The following TCTN2 variants were observed in gnomAD, a reference collection of about 807,000 sequenced individuals.
The protein encoded by TCTN2 is tectonic family member 2, also known as tectonic-2.
In TCTN2, 66 loss-of-function variants were observed where a neutral mutation model predicts 83.4. The observed-to-expected ratio is 0.79, with a 90% confidence interval of 0.65 to 0.97. The LOEUF is 0.97. Ranked by LOEUF, TCTN2 falls within the 50% of genes least tolerant of loss-of-function variation. TCTN2 has a pLI of 0.00. For missense variants in TCTN2, 794 were observed against 858.1 expected, an observed-to-expected ratio of 0.93 and a Z score of 0.93; for synonymous variants, 301 against 326.7, an observed-to-expected ratio of 0.92 and a Z score of 0.85.
At chr12:123,690,484 T>C (rs373911094) in intron 7 of TCTN2, 49 bp from the exon 8 acceptor site, 2 of 1,613,508 alleles carry the variant, frequency 1.2e-6, no homozygotes, top group South Asian at 1.1e-5. Flanking sequence ...CTGTTTTGTA[T>C]GATTAGGAGA....
chr12:123,688,901 C>T (rs10773023), intron 7 of TCTN2, among the ~76,000 whole-genome samples: 10,881 of 152,102 alleles, frequency 0.072, 552 homozygotes, highest in African/African-American at 0.13. Flanking sequence ...GGATTACAGG[C>T]ATGCACCACC....
Position 123,697,149 on chromosome 12 carries a change from T to C in TCTN2, c.1456T>C (p.Ser486Pro). ...CATTTTATTTGGAGAAAATGTACTC[T>C]CTGGATGCCTGTTAGAAGTCGGGAT... ...KPILFGENVL[S>P]GCLLEVGINE... The change falls in exon 13 of 18, where the codon TCT becomes CCT. Residue 486 changes from serine (S) to proline (P), a missense_variant. Transcript: ENST00000303372. The C allele has an allele frequency of 6.2e-7, 1 of 1,614,114 alleles. No homozygotes were observed. Among genetic ancestry groups the C allele is most frequent in the Non-Finnish European group, 8.5e-7 (1 of 1,179,982 alleles).
At chr12:123,672,817 G>A (rs1335248365) in intron 3 of TCTN2, among the ~76,000 whole-genome samples, 2 of 152,130 alleles carry the variant, frequency 1.3e-5, no homozygotes, top group African/African-American at 4.8e-5. Context: ...TTGGGAGGCC[G>A]AGGAGGGCGG....
chr12:123,683,930 C>T (rs932891046), intron 5 of TCTN2, among the ~76,000 whole-genome samples: 3 of 152,306 alleles, frequency 2.0e-5, no homozygotes, highest in East Asian at 1.9e-4. Context: ...TGAGCCACTG[C>T]ACCTGGCCAC....
intron 15 of TCTN2, among the ~76,000 whole-genome samples, chr12:123,705,944 T>C (rs1956223661): frequency 1.3e-5 from 2 of 151,834 alleles, no homozygotes; most frequent in African/African-American, 2.4e-5. Flanking sequence ...TTAGTAGAGA[T>C]GGGGTTTCTC....
At chr12:123,696,632 A>AT in intron 12 of TCTN2, 137 bp downstream of exon 12, 1 of 779,098 alleles carries the variant, frequency 1.3e-6, no homozygotes, top group Non-Finnish European at 2.3e-6. Context: ...ATGCTGCTGA[A>AT]TAACAGTGAT....
chr12:123,679,147 A>G (rs1955862302), intron 4 of TCTN2, 42 bp from the exon 5 acceptor site: 1 of 1,526,414 alleles, frequency 6.6e-7, no homozygotes, highest in East Asian at 2.3e-5. Context: ...GCTTTGTCGG[A>G]ATGTTTCTTA....
chr12:123,688,213 C>CTTTTTTT, intron 7 of TCTN2, 36 bp downstream of exon 7: 4 of 1,349,408 alleles, frequency 3.0e-6, no homozygotes, highest in Non-Finnish European at 4.0e-6. Flanking sequence ...AGACCGTTCT[C>CTTTTTTT]TTTTTTTTTT....
intron 5 of TCTN2, among the ~76,000 whole-genome samples, chr12:123,680,348 G>A (rs113638879): frequency 0.08 from 7,793 of 97,212 alleles, 417 homozygotes; most frequent in African/African-American, 0.2. Flanking sequence ...GCGAAACTCC[G>A]TTTCAAAAAA....
chr12:123,690,352 G>T (rs1420432008), intron 7 of TCTN2, among the ~76,000 whole-genome samples, 181 bp from the exon 8 acceptor site: 6 of 152,232 alleles, frequency 3.9e-5, no homozygotes, highest in Admixed American at 3.9e-4. Context: ...TCCAGACCTT[G>T]ATGGGCAAAT....
At chr12:123,679,680 G>A (rs1198218837) in intron 5 of TCTN2, among the ~76,000 whole-genome samples, 2 of 151,266 alleles carry the variant, frequency 1.3e-5, no homozygotes, top group African/African-American at 4.9e-5. Context: ...GCTTTTTAAG[G>A]GATGGTCTTC....
intron 5 of TCTN2, 62 bp from the exon 6 acceptor site, chr12:123,686,774 G>T: frequency 6.5e-7 from 1 of 1,532,824 alleles, no homozygotes; most frequent in Admixed American, 1.7e-5. Flanking sequence ...GTTAGCATTC[G>T]CTACGCTTGC....
chr12:123,697,194 C>A lies in TCTN2; in HGVS notation c.1501C>A (p.Leu501Ile). The change falls in exon 13 of 18, where the codon CTC becomes ATC. Residue 501 changes from leucine to isoleucine, a missense_variant. Coordinates refer to ENST00000303372, the MANE Select transcript of TCTN2 (RefSeq NM_024809.5). ...CGGGATTAATGAAAATTGTACTCAG[C>A]TCAGGTGAGTGTTTCATTGATGAAT... ...EVGINENCTQ[L>I]RENAVERLDS... The A allele has an allele frequency of 6.2e-7, 1 of 1,606,896 alleles. No individual in the cohort carries two copies. Among genetic ancestry groups the A allele is most frequent in the Non-Finnish European group, 8.5e-7 (1 of 1,173,498 alleles).
chr12:123,676,250 G>T (rs1351082573), intron 4 of TCTN2, among the ~76,000 whole-genome samples: 2 of 151,890 alleles, frequency 1.3e-5, no homozygotes, highest in Non-Finnish European at 2.9e-5. Flanking sequence ...ATGTACTCCA[G>T]CCTGGTCGAC....
chr12:123,691,421 T>G (rs1197995476), intron 8 of TCTN2, among the ~76,000 whole-genome samples: 1 of 152,230 alleles, frequency 6.6e-6, no homozygotes, highest in Non-Finnish European at 1.5e-5. Context: ...TGTGTCTGGC[T>G]TCTTTCACTG....
chr12:123,671,677 C>G (rs931413431), intron 2 of TCTN2, 63 bp downstream of exon 2: 1 of 1,483,200 alleles, frequency 6.7e-7, no homozygotes, highest in African/African-American at 1.4e-5. Context: ...TCCCAAGGAG[C>G]CTGGAGAGGT....
Position 123,673,797 on chromosome 12 carries a change from C to CCATA in TCTN2, c.451_454dup (p.Asn152ThrfsTer2). The CCATA allele has an allele frequency of 6.2e-7, 1 of 1,614,090 alleles. No individual in the cohort carries two copies. Among genetic ancestry groups the CCATA allele is most frequent in the Non-Finnish European group, 8.5e-7 (1 of 1,179,992 alleles). On this transcript the variant is annotated frameshift_variant, in exon 4 of 18. Coordinates refer to ENST00000303372, the MANE Select transcript of TCTN2 (RefSeq NM_024809.5). LOFTEE classifies it high-confidence loss of function. ...AAATTTATGCCAACTCTTCTCTGAC[C>CCATA]CATAATGCCTCAGGCAAGTGAAGTC...
intron 7 of TCTN2, among the ~76,000 whole-genome samples, chr12:123,689,400 C>T (rs112334559): frequency 0.031 from 4,689 of 152,224 alleles, 189 homozygotes; most frequent in African/African-American, 0.087. Context: ...GTTGCCCAGG[C>T]GGGTCTTAAA....
intron 4 of TCTN2, among the ~76,000 whole-genome samples, chr12:123,678,216 G>C (rs1955848696): frequency 6.6e-6 from 1 of 152,210 alleles, no homozygotes; most frequent in South Asian, 2.1e-4. Flanking sequence ...GGGTACCACA[G>C]CCACGAACCA....
Sources: allele counts gnomAD v4.1 joint callset (sites outside exome capture counted in the v4.1 genomes callset), GRCh38; gene constraint gnomAD v4.1.1; transcripts MANE v1.5; gene names NCBI Gene and HGNC (gene_info 2026-07-23, HGNC 2026-07-21).